The following MPRIP variants were observed in gnomAD, a reference collection of about 807,000 sequenced individuals.
The protein encoded by MPRIP is myosin phosphatase Rho interacting protein.
Under a neutral mutation model 234.9 loss-of-function variants are expected in MPRIP, and 59 were observed. The observed-to-expected ratio is 0.25, with a 90% CI of 0.20 to 0.31. The LOEUF is 0.31. Ranked by LOEUF, MPRIP falls within the 10% of genes least tolerant of loss-of-function variation. The pLI is 1.00. For missense variants in MPRIP, 2,436 were observed against 3,071.0 expected, an observed-to-expected ratio of 0.79 and a Z score of 4.89; for synonymous variants, 1,144 against 1,263.9, an observed-to-expected ratio of 0.91 and a Z score of 2.01.
chr17:17,184,501 T>C (rs897500444), intron 23 of MPRIP, among the ~76,000 whole-genome samples: 33 of 152,242 alleles, frequency 2.2e-4, no homozygotes, highest in African/African-American at 7.7e-4. Context: ...TCCTTGCTCA[T>C]TGCACTGTTT....
intron 3 of MPRIP, among the ~76,000 whole-genome samples, chr17:17,081,963 G>T (rs1371876694): frequency 6.6e-6 from 1 of 152,176 alleles, no homozygotes; most frequent in Non-Finnish European, 1.5e-5. Context: ...GAGAGATTTG[G>T]CTGGGCCCCT....
chr17:17,048,272 C>T (rs2088421181), intron 1 of MPRIP, among the ~76,000 whole-genome samples: 1 of 152,124 alleles, frequency 6.6e-6, no homozygotes, highest in South Asian at 2.1e-4. Context: ...TTGCTGTGCC[C>T]ATACCCCACT....
At chr17:17,059,314 G>A (rs994876460) in intron 1 of MPRIP, among the ~76,000 whole-genome samples, 37 of 152,200 alleles carry the variant, frequency 2.4e-4, no homozygotes, top group African/African-American at 8.7e-4. Context: ...TCATGAAAGA[G>A]TGAGAGAGGA....
In MPRIP at chr17:17,185,876, G is replaced by A. The variant is rs2046466338; in HGVS notation, c.*982G>A. On this transcript the variant is annotated 3_prime_UTR_variant, in exon 24 of 24. Transcript: ENST00000651222. ...AATCTGATGAGAACAGCACATTAGT[G>A]TTTATTGAGACTCCGATCTTAACTC... The A allele has an allele frequency of 5.6e-6, 1 of 179,186 alleles. No individual in the cohort carries two copies. Among genetic ancestry groups the A allele is most frequent in the Non-Finnish European group, 1.2e-5 (1 of 84,938 alleles). The allele number at this position is 179,186 out of a possible 1,614,324, so 11.1% of individuals were successfully genotyped here. A position where few individuals can be genotyped will look rare whatever the true frequency, so the allele number is the denominator to read the frequency against.
chr17:17,173,766 C>T (rs763558227), intron 18 of MPRIP, 150 bp from the exon 19 acceptor site: 2 of 878,282 alleles, frequency 2.3e-6, no homozygotes, highest in Middle Eastern at 2.3e-4. Context: ...TGTAAGGGAT[C>T]CCTTACTCTG....
rs573116777 is a variant in MPRIP at position 17,126,953 on chromosome 17, TC to T, written c.419+104del. ...TGTGGCAGTGTCGATGTTGTCTACT[TC>T]CCCGTGTGCCTCTATTCTTGGGCTC... is the stretch of plus-strand genomic sequence containing the variant. On this transcript the variant is annotated intron_variant, in intron 4 of 23. Transcript: ENST00000651222. 1.9e-4 allele frequency: 260 copies of T among 1,399,734 alleles called. 1 individual carries two copies. The African/African-American group carries it at 3.6e-3, about 19-fold the overall frequency. The allele number at this position is 1,399,734 out of a possible 1,614,324, so 86.7% of individuals were successfully genotyped here.
chr17:17,138,010 G>A lies in MPRIP; in HGVS notation c.831G>A (p.Leu277=), dbSNP rs774395346. ...CTCTGGAGAAGACCAAACAGGACTT[G>A]AAGGCTGAAGAACAGCAGCTGCCCC... ...YFSLEKTKQD[L]KAEEQQLPPP... The change falls in exon 7 of 24, where the codon TTG becomes TTA. Residue 277 remains leucine (L), a synonymous_variant. Transcript: ENST00000651222. The surrounding 1 kb of genome is among the most constrained non-coding windows in gnomAD (Gnocchi z 5.8). 2 of 1,612,156 alleles carry A rather than the reference G, an allele frequency of 1.2e-6. No homozygotes were observed. Among genetic ancestry groups the A allele is most frequent in the South Asian group, 2.2e-5 (2 of 90,978 alleles).
chr17:17,082,689 T>C (rs1028298067), intron 3 of MPRIP, among the ~76,000 whole-genome samples: 1 of 152,212 alleles, frequency 6.6e-6, no homozygotes, highest in African/African-American at 2.4e-5. Context: ...TACATTCACA[T>C]TGTTGCACAA....
chr17:17,191,877 TAAC>T lies in MPRIP; in HGVS notation c.*6987_*6989del, dbSNP rs1249475992. On this transcript the variant is annotated 3_prime_UTR_variant, in exon 24 of 24. Transcript: ENST00000651222. ...GGATTTTAGGATTTACCTTTAGTAT[TAAC>T]AACGTATCTACTGACATACTGTTAG... 2 of 152,250 alleles carry T rather than the reference TAAC, an allele frequency of 1.3e-5. No individual in the cohort carries two copies. The highest frequency in any genetic ancestry group is 1.3e-4 in the Admixed American group (2 of 15,280). The allele number at this position is 152,250 out of a possible 1,614,324, so 9.4% of individuals were successfully genotyped here.
chr17:17,168,625 C>T (rs1365096100), intron 16 of MPRIP: 2 of 349,332 alleles, frequency 5.7e-6, no homozygotes, highest in Non-Finnish European at 1.1e-5. Context: ...GAGTGGAGGC[C>T]CAGCTGTCTG....
chr17:17,071,848 C>T (rs1420423455), intron 1 of MPRIP, among the ~76,000 whole-genome samples: 1 of 152,178 alleles, frequency 6.6e-6, no homozygotes, highest in East Asian at 1.9e-4. Flanking sequence ...GGGCCCCATC[C>T]TTTGGGTCCT....
intron 13 of MPRIP, among the ~76,000 whole-genome samples, chr17:17,155,722 C>T (rs1001740093): frequency 3.9e-5 from 6 of 152,232 alleles, no homozygotes; most frequent in Admixed American, 2.6e-4. Context: ...AGGCCGTGAC[C>T]GGGACAGGTT....
chr17:17,161,312 G>A lies in MPRIP; in HGVS notation c.2473G>A (p.Ala825Thr), dbSNP rs763035077. ...NRLLQDQLRV[A>T]LGREQSAREG... ...GCTCCTGCAGGACCAGCTGAGGGTGGCCCTGGGCCGGGAGCAGAGCGCCCG... is the reference window on the plus strand; with the variant it reads ...GCTCCTGCAGGACCAGCTGAGGGTGACCCTGGGCCGGGAGCAGAGCGCCCG... Residue 825 changes from alanine to threonine, a missense_variant, in exon 15 of 24, where the codon GCC becomes ACC. Coordinates refer to ENST00000651222, the MANE Select transcript of MPRIP (RefSeq NM_001364716.4). 6.9e-6 allele frequency: 11 copies of A among 1,593,546 alleles called. No homozygotes were observed. The highest frequency in any genetic ancestry group is 1.3e-5 in the African/African-American group (1 of 74,842).
At chr17:17,068,677 T>A (rs2089117254) in intron 1 of MPRIP, among the ~76,000 whole-genome samples, 1 of 151,960 alleles carries the variant, frequency 6.6e-6, no homozygotes, top group South Asian at 2.1e-4. Flanking sequence ...ACTACAGGTG[T>A]GTGCCACCAC....
intron 3 of MPRIP, among the ~76,000 whole-genome samples, chr17:17,083,719 G>GT (rs1421805091): frequency 6.6e-6 from 1 of 152,012 alleles, no homozygotes; most frequent in Non-Finnish European, 1.5e-5. Flanking sequence ...CACTTTGTGT[G>GT]TTTTTTTGTT....
chr17:17,173,347 C>T (rs1385798772), intron 18 of MPRIP, among the ~76,000 whole-genome samples: 11 of 152,246 alleles, frequency 7.2e-5, no homozygotes, highest in Non-Finnish European at 1.3e-4. Flanking sequence ...TACCAGGAGC[C>T]TTTATAGCAT....
chr17:17,165,999 G>A lies in MPRIP; in HGVS notation c.4408G>A (p.Val1470Ile), dbSNP rs1290028002. The A allele has an allele frequency of 3.8e-6, 5 of 1,304,288 alleles. No homozygotes were observed. In the Admixed American group the frequency reaches 6.9e-5, roughly 18 times the overall value. 80.8% of individuals were successfully genotyped at this position (1,304,288 alleles called of 1,614,324 possible). The change falls in exon 16 of 24, where the codon GTC (valine) becomes ATC (isoleucine). Residue 1470 changes from valine (V) to isoleucine (I), a missense_variant. Physicochemically the swap from Val to Ile is conservative, Grantham distance 29. This residue lies in a region of MPRIP where 1,998 missense variants were observed against 2,520.3 expected (regional missense o/e 0.79). Transcript: ENST00000651222. ...GHVGELGDFQ[V>I]KNSQALMCLE... ...TGTTGGAGAGCTTGGGGACTTCCAG[G>A]TCAAGAATAGTCAGGCCCTGATGTG...
chr17:17,190,564 A>G lies in MPRIP; in HGVS notation c.*5670A>G, dbSNP rs2046566975. ...TCAGTTATCTCAAATTTTGTCTGCCAGGGACAAGACCCTGTTCATTCTTTT... is the reference window on the plus strand; with the variant it reads ...TCAGTTATCTCAAATTTTGTCTGCCGGGGACAAGACCCTGTTCATTCTTTT... On this transcript the variant is annotated 3_prime_UTR_variant, in exon 24 of 24. Coordinates refer to ENST00000651222, the MANE Select transcript of MPRIP (RefSeq NM_001364716.4). The G allele has an allele frequency of 6.6e-6, 1 of 152,260 alleles. No homozygotes were observed. The allele number at this position is 152,260 out of a possible 1,614,324, so 9.4% of individuals were successfully genotyped here. A position where few individuals can be genotyped will look rare whatever the true frequency, so the allele number is the denominator to read the frequency against.
At chr17:17,075,233 G>A (rs1378141929) in intron 1 of MPRIP, among the ~76,000 whole-genome samples, 1 of 152,200 alleles carries the variant, frequency 6.6e-6, no homozygotes, top group East Asian at 1.9e-4. Context: ...CAGTCACACA[G>A]CCAGTCAGTT....
Sources: allele counts gnomAD v4.1 joint callset (sites outside exome capture counted in the v4.1 genomes callset), GRCh38; gene constraint gnomAD v4.1.1; regional missense constraint gnomAD v4.1.1; non-coding constraint Gnocchi (gnomAD v3.1); transcripts MANE v1.5; gene names NCBI Gene and HGNC (gene_info 2026-07-23, HGNC 2026-07-21).